The following IQGAP2 variants were observed in gnomAD, a reference collection of about 807,000 sequenced individuals.
IQGAP2 encodes the protein ras GTPase-activating-like protein IQGAP2.
IQGAP2 carries 173 observed loss-of-function variants against 201.3 expected under a neutral mutation model. The observed-to-expected ratio is 0.86, with a 90% CI of 0.76 to 0.98. The LOEUF (loss-of-function observed/expected upper bound fraction) is 0.98, where lower values mean the gene tolerates loss of function less well. IQGAP2 is among the 50% of genes least tolerant of loss of function. The pLI, the probability that IQGAP2 is intolerant of heterozygous loss-of-function variation, is 0.00. For synonymous variants in IQGAP2, 675 were observed against 673.9 expected, an observed-to-expected ratio of 1.00 and a Z score of -0.03; for missense variants, 1,687 against 1,864.8, an observed-to-expected ratio of 0.90 and a Z score of 1.76.
intron 2 of IQGAP2, among the ~76,000 whole-genome samples, chr5:76,545,217 A>T (rs1743024778): frequency 6.6e-6 from 1 of 152,224 alleles, no homozygotes; most frequent in South Asian, 2.1e-4. Context: ...AACACAAGGA[A>T]AATTAGAAAT....
chr5:76,600,818 T>C lies in IQGAP2; in HGVS notation c.1078T>C (p.Leu360=), dbSNP rs1377467194. ...NLQKQNTMNY[L]AHEELLIAVE... ...GCCATATGTTTTCCAACAGAACTAC[T>C]TGGCCCACGAGGAGCTTTTGATTGC... The change falls in exon 11 of 36, where the codon TTG becomes CTG. Residue 360 remains leucine (L), a synonymous_variant. Coordinates refer to ENST00000274364, the MANE Select transcript of IQGAP2 (RefSeq NM_006633.5). 2 of 1,614,106 alleles carry C rather than the reference T, an allele frequency of 1.2e-6. No individual in the cohort carries two copies. The highest frequency in any genetic ancestry group is 3.3e-5 in the Admixed American group (2 of 59,992).
chr5:76,487,546 A>T (rs1756239745), intron 2 of IQGAP2, among the ~76,000 whole-genome samples: 1 of 152,182 alleles, frequency 6.6e-6, no homozygotes, highest in South Asian at 2.1e-4. Context: ...AAGTTTGTAG[A>T]TGTTGCAAAG....
chr5:76,646,397 T>TA (rs953006651), intron 17 of IQGAP2, among the ~76,000 whole-genome samples: 63 of 152,328 alleles, frequency 4.1e-4, no homozygotes, highest in African/African-American at 1.5e-3. Context: ...TGTGAACACA[T>TA]ACCCAATGCT....
intron 1 of IQGAP2, among the ~76,000 whole-genome samples, chr5:76,454,652 A>G (rs1285881740): frequency 1.3e-5 from 2 of 150,894 alleles, no homozygotes; most frequent in Non-Finnish European, 3.0e-5. Context: ...ATAGTATTCC[A>G]TGGTGTATAT....
intron 5 of IQGAP2, among the ~76,000 whole-genome samples, chr5:76,579,513 C>T (rs1745694232): frequency 6.6e-6 from 1 of 151,752 alleles, no homozygotes; most frequent in Non-Finnish European, 1.5e-5. Flanking sequence ...ACAATCTGGT[C>T]CCCACCCCTG....
intron 12 of IQGAP2, chr5:76,607,136 C>T (rs1289198289): frequency 2.0e-5 from 3 of 152,212 alleles, no homozygotes; most frequent in Non-Finnish European, 4.4e-5. Context: ...GCAGATACTT[C>T]TCTCACAGTT....
At chr5:76,697,530 G>A (rs918168910) in intron 32 of IQGAP2, among the ~76,000 whole-genome samples, 6 of 152,150 alleles carry the variant, frequency 3.9e-5, no homozygotes, top group African/African-American at 1.4e-4. Flanking sequence ...TGCAGCCCCA[G>A]CTACTCAGGA....
At position 76,573,777 on chromosome 5, in the gene IQGAP2, ATT is replaced by A. The variant is rs59411410; in HGVS notation, c.382-1898_382-1897del. 2.3e-3 allele frequency among the ~76,000 whole-genome samples: 286 copies of A among 126,076 alleles called. 1 individual carries two copies. Among genetic ancestry groups the A allele is most frequent in the African/African-American group, 6.9e-3 (234 of 34,058 alleles). The allele number at this position is 126,076 out of a possible 152,430, so 82.7% of individuals were successfully genotyped here. A position where few individuals can be genotyped will look rare whatever the true frequency, so the allele number is the denominator to read the frequency against. The stretch of plus-strand genomic sequence containing the variant: ...TAGGTGTGCTCCACCATGCCCAGCT[ATT>A]TTTTTTTTTTTTTTTTTAATTTTTA... On this transcript the variant is annotated intron_variant, in intron 4 of 35. Coordinates refer to ENST00000274364, the MANE Select transcript of IQGAP2 (RefSeq NM_006633.5).
intron 2 of IQGAP2, among the ~76,000 whole-genome samples, chr5:76,483,246 C>G (rs1364548155): frequency 2.6e-5 from 4 of 152,124 alleles, no homozygotes. Context: ...ATTGGAACAA[C>G]CTAGAAGTGG....
Position 76,698,013 on chromosome 5 carries a change from T to TAAGCTTCGAA in IQGAP2, c.4239_4248dup (p.Glu1417SerfsTer4). 6.2e-7 allele frequency: 1 copy of TAAGCTTCGAA among 1,613,120 alleles called. No individual in the cohort carries two copies. The highest frequency in any genetic ancestry group is 8.5e-7 in the Non-Finnish European group (1 of 1,179,540). On this transcript the variant is annotated frameshift_variant, in exon 33 of 36. Coordinates refer to ENST00000274364, the MANE Select transcript of IQGAP2 (RefSeq NM_006633.5). LOFTEE classifies it high-confidence loss of function. Reference sequence around the variant, plus strand: ...ATATTCGAAATCAAAGAATCTATCGTAAGCTTCGAAAAGCTGAATTGGCAA... The same window carrying TAAGCTTCGAA: ...ATATTCGAAATCAAAGAATCTATCGTAAGCTTCGAAAAGCTTCGAAAAGCTGAATTGGCAA...
chr5:76,588,017 AATC>A (rs991816436), intron 5 of IQGAP2, among the ~76,000 whole-genome samples: 1 of 152,078 alleles, frequency 6.6e-6, no homozygotes, highest in African/African-American at 2.4e-5. Context: ...TTAAATGACT[AATC>A]ATACATTTTA....
At chr5:76,657,955 G>A (rs1742899468) in intron 20 of IQGAP2, among the ~76,000 whole-genome samples, 1 of 152,096 alleles carries the variant, frequency 6.6e-6, no homozygotes, top group Non-Finnish European at 1.5e-5. Flanking sequence ...GGCTTTTACA[G>A]TCCTCCCTTC....
At chr5:76,493,497 T>A (rs1390060555) in intron 2 of IQGAP2, among the ~76,000 whole-genome samples, 2 of 152,180 alleles carry the variant, frequency 1.3e-5, no homozygotes, top group Non-Finnish European at 2.9e-5. Context: ...CTGGCCCTTC[T>A]GACCCCTCTG....
intron 2 of IQGAP2, among the ~76,000 whole-genome samples, chr5:76,474,940 G>A (rs946718863): frequency 2.0e-5 from 3 of 152,124 alleles, no homozygotes; most frequent in African/African-American, 7.2e-5. Context: ...TTGAACTCCC[G>A]ACCTCATGTG....
chr5:76,405,763 G>A (rs919123178), intron 1 of IQGAP2, among the ~76,000 whole-genome samples: 4 of 152,154 alleles, frequency 2.6e-5, no homozygotes, highest in Non-Finnish European at 4.4e-5. Context: ...CGTGCTGTGA[G>A]CTCTTCATGG....
intron 2 of IQGAP2, among the ~76,000 whole-genome samples, chr5:76,517,827 A>G (rs1758432689): frequency 6.6e-6 from 1 of 152,122 alleles, no homozygotes; most frequent in Non-Finnish European, 1.5e-5. Flanking sequence ...TAAAGCACCT[A>G]TTTTAGAGTA....
At chr5:76,404,100 G>A (rs962266234) in intron 1 of IQGAP2, among the ~76,000 whole-genome samples, 5 of 152,174 alleles carry the variant, frequency 3.3e-5, no homozygotes, top group Admixed American at 1.3e-4. Flanking sequence ...CCTGTCCCGC[G>A]CCCTCGAACT....
chr5:76,546,299 G>A (rs1046457329), intron 2 of IQGAP2, among the ~76,000 whole-genome samples: 8 of 152,136 alleles, frequency 5.3e-5, no homozygotes, highest in Non-Finnish European at 1.2e-4. Flanking sequence ...GGTCAGGTGT[G>A]GTGGCGTGTG....
At position 76,637,034 on chromosome 5, in the gene IQGAP2, T is replaced by C. The variant is rs1469821357; in HGVS notation, c.1781T>C (p.Val594Ala). The change falls in exon 16 of 36, where the codon GTG becomes GCG. Residue 594 changes from valine to alanine, a missense_variant and splice_region_variant. Physicochemically the swap from Val to Ala is moderately conservative, Grantham distance 64. Coordinates refer to ENST00000274364, the MANE Select transcript of IQGAP2 (RefSeq NM_006633.5). Reference sequence around the variant, plus strand: ...GAATTTAACAAACTTTTTTCTTTAGTGTCTAGTGACGGTTCATGGCTCAAA... The same window carrying C: ...GAATTTAACAAACTTTTTTCTTTAGCGTCTAGTGACGGTTCATGGCTCAAA... ...VKAKELKSER[V>A]SSDGSWLKLN... 1 of 1,595,346 alleles carries C rather than the reference T, an allele frequency of 6.3e-7. No individual in the cohort carries two copies. The highest frequency in any genetic ancestry group is 8.5e-7 in the Non-Finnish European group (1 of 1,172,560).
Sources: allele counts gnomAD v4.1 joint callset (sites outside exome capture counted in the v4.1 genomes callset), GRCh38; gene constraint gnomAD v4.1.1; transcripts MANE v1.5; gene names NCBI Gene and HGNC (gene_info 2026-07-23, HGNC 2026-07-21).